Variants in NSD2 observed in about 807,000 individuals in gnomAD.
NSD2 encodes the protein histone-lysine N-methyltransferase NSD2.
In NSD2, 12 loss-of-function variants were observed where a neutral mutation model predicts 139.0. The ratio of observed to expected loss-of-function variants is 0.09; its 90% CI spans 0.06 to 0.14. The LOEUF (loss-of-function observed/expected upper bound fraction) is 0.14, where lower values mean the gene tolerates loss of function less well. Among genes scored for constraint, NSD2 ranks in the 10% least tolerant of loss-of-function variants. NSD2 has a pLI of 1.00. For missense variants in NSD2, 1,155 were observed against 1,745.0 expected (o/e 0.66, Z 6.02); for synonymous variants, 669 against 648.7 (o/e 1.03, Z -0.48).
intron 1 of NSD2, among the ~76,000 whole-genome samples, chr4:1,895,086 T>A (rs1156934453): frequency 6.6e-6 from 1 of 152,228 alleles, no homozygotes; most frequent in Non-Finnish European, 1.5e-5. Flanking sequence ...TCTTCAAGAT[T>A]CGTCCATATT....
At chr4:1,944,694 A>G in intron 9 of NSD2, 1 of 1,064,522 alleles carries the variant, frequency 9.4e-7, no homozygotes. Flanking sequence ...AGAGGTCCTG[A>G]ATTGTTTTTC....
rs551185425 is a variant in NSD2, at chr4:1,918,125, C to CTT, written c.928-7_928-6dup. 3.5e-5 allele frequency: 51 copies of CTT among 1,467,698 alleles called. No homozygotes were observed. The highest frequency in any genetic ancestry group is 3.9e-5 in the Non-Finnish European group (42 of 1,079,916). 90.9% of individuals were successfully genotyped at this position (1,467,698 alleles called of 1,614,324 possible). A position where few individuals can be genotyped will look rare whatever the true frequency, so the allele number is the denominator to read the frequency against. On this transcript the variant is annotated splice_polypyrimidine_tract_variant and intron_variant, in intron 4 of 21. Coordinates refer to ENST00000508803, the MANE Select transcript of NSD2 (RefSeq NM_001042424.3). ...TTGTGTAGTGAAACTTACAGTGTCT[C>CTT]TTTTTTTTTTCCCAGCTATTGAAAC...
intron 5 of NSD2, among the ~76,000 whole-genome samples, chr4:1,922,586 T>G (rs1201467418): frequency 6.6e-6 from 1 of 152,220 alleles, no homozygotes; most frequent in Non-Finnish European, 1.5e-5. Flanking sequence ...AAGAGAGGCT[T>G]GGCCTGAGGA....
At chr4:1,886,955 T>G (rs1441531733) in intron 1 of NSD2, among the ~76,000 whole-genome samples, 1 of 152,180 alleles carries the variant, frequency 6.6e-6, no homozygotes, top group Non-Finnish European at 1.5e-5. Context: ...CCCTCTTACC[T>G]CCCATGTTAC....
rs1162242216 is a variant in NSD2, at chr4:1,953,511, A to C, written c.2325A>C (p.Pro775=). 6.2e-7 allele frequency: 1 copy of C among 1,610,486 alleles called. No individual in the cohort carries two copies. Among genetic ancestry groups the C allele is most frequent in the Admixed American group, 1.7e-5 (1 of 59,884 alleles). Residue 775 remains proline (P), a synonymous_variant, in exon 12 of 22, where the codon CCA becomes CCC. Coordinates refer to ENST00000508803, the MANE Select transcript of NSD2 (RefSeq NM_001042424.3). ...GCCATGCTTCCAACCCTTCAAACCC[A>C]AGGCCGTCAAAAGGTACAGGTGCAC... ...VSCHASNPSN[P]RPSKGKMMRC... is the part of the protein sequence containing the mutation.
In NSD2 at chr4:1,953,464, C is replaced by T. The variant is rs952088696; in HGVS notation, c.2278C>T (p.Pro760Ser). Residue 760 changes from proline to serine, a missense_variant, in exon 12 of 22, where the codon CCC becomes TCC. This residue lies in a region of NSD2 where 120 missense variants were observed against 239.3 expected (regional missense o/e 0.50). Transcript: ENST00000508803. ...ATTTGAGAGCCGAGGTTTCCGCTGC[C>T]CCCTCCACAGCTGTGTGAGCTGCCA... ...TVFESRGFRC[P>S]LHSCVSCHAS... 1.9e-6 allele frequency: 3 copies of T among 1,614,056 alleles called. No individual in the cohort carries two copies. Among genetic ancestry groups the T allele is most frequent in the South Asian group, 1.1e-5 (1 of 91,072 alleles).
At chr4:1,959,884 A>AAAATTTGTTTTGTTTT in intron 17 of NSD2, 144 bp downstream of exon 17, 1 of 1,000,658 alleles carries the variant, frequency 1.0e-6, no homozygotes, top group Non-Finnish European at 1.4e-6. Context: ...GTTTTGAGAC[A>AAAATTTGTTTTGTTTT]GGGTCTCACT....
intron 5 of NSD2, among the ~76,000 whole-genome samples, chr4:1,919,433 A>T (rs181555761): frequency 6.6e-6 from 1 of 152,234 alleles, no homozygotes; most frequent in African/African-American, 2.4e-5. Context: ...AATTGTTTGC[A>T]TAAAATGCAC....
intron 3 of NSD2, among the ~76,000 whole-genome samples, chr4:1,907,655 C>CT (rs1718113588): frequency 8.1e-6 from 1 of 124,148 alleles, no homozygotes; most frequent in Admixed American, 9.9e-5. Context: ...CAGTCTCACT[C>CT]TGTTGCCAGG....
chr4:1,951,882 T>G, intron 10 of NSD2: 1 of 580,002 alleles, frequency 1.7e-6, no homozygotes, highest in Non-Finnish European at 2.9e-6. Flanking sequence ...TCCTTTGCCA[T>G]TGCTGAGGAC....
intron 7 of NSD2, 76 bp from the exon 8 acceptor site, chr4:1,938,375 T>A (rs558387374): frequency 1.6e-6 from 2 of 1,234,830 alleles, no homozygotes; most frequent in Non-Finnish European, 2.2e-6. Context: ...GTTGTTCTTT[T>A]TCTTTTTTTT....
rs755548968 is a variant in NSD2 at position 1,978,809 on chromosome 4, T to C, written c.3998T>C (p.Val1333Ala). Residue 1333 changes from valine (V) to alanine (A), a missense_variant, in exon 22 of 22, where the codon GTC (valine) becomes GCC (alanine). Transcript: ENST00000508803. The part of the protein sequence containing the change: ...CCEHDLGAAS[V>A]RSTKTEKPPP... ...GAGCATGACTTAGGGGCGGCATCGG[T>C]CAGAAGCACCAAGACTGAGAAGCCC... 6.8e-6 allele frequency: 11 copies of C among 1,611,542 alleles called. No individual in the cohort carries two copies. In the East Asian group the frequency reaches 1.8e-4, roughly 26 times the overall value.
intron 7 of NSD2, among the ~76,000 whole-genome samples, chr4:1,937,664 G>A (rs777763362): frequency 6.6e-6 from 1 of 152,102 alleles, no homozygotes; most frequent in Non-Finnish European, 1.5e-5. Context: ...TTCTCCTGTC[G>A]CCTTGTCCAT....
chr4:1,943,339 A>C, intron 9 of NSD2: 2 of 1,042,522 alleles, frequency 1.9e-6, no homozygotes, highest in Non-Finnish European at 2.3e-6. Context: ...CCATTAAGTA[A>C]TGTAACGCAT....
chr4:1,942,279 T>C lies in NSD2; in HGVS notation c.1881+2501T>C. ...TAATGTGATTTAAGTGTTTTGTAAC[T>C]TCATTTTTTATTCCTTTAGTAGAGC... On this transcript the variant is annotated intron_variant, in intron 9 of 21. Transcript: ENST00000508803. This position sits in a 1 kb window ranked among gnomAD's most constrained non-coding sequence, Gnocchi z 4.0. The C allele has an allele frequency of 6.3e-7, 1 of 1,596,708 alleles. No homozygotes were observed. The highest frequency in any genetic ancestry group is 2.2e-5 in the East Asian group (1 of 44,738).
chr4:1,940,953 T>G, intron 9 of NSD2: 1 of 1,057,476 alleles, frequency 9.5e-7, no homozygotes, highest in Non-Finnish European at 1.1e-6. Context: ...ACCAACTCAG[T>G]GGTGGTCGAG....
At chr4:1,946,727 A>G in intron 9 of NSD2, 1 of 1,044,660 alleles carries the variant, frequency 9.6e-7, no homozygotes, top group Non-Finnish European at 1.2e-6. Context: ...ATTGACTGTA[A>G]TTAGCAGGTA....
intron 7 of NSD2, among the ~76,000 whole-genome samples, chr4:1,935,685 C>A (rs979257314): frequency 9.2e-5 from 14 of 152,008 alleles, no homozygotes; most frequent in Admixed American, 2.6e-4. Context: ...GATGGTAATA[C>A]CCCGTCTCTA....
intron 12 of NSD2, among the ~76,000 whole-genome samples, chr4:1,953,743 A>G (rs542525138): frequency 6.6e-6 from 1 of 151,472 alleles, no homozygotes; most frequent in East Asian, 1.9e-4. Context: ...ATGCTTAACT[A>G]TAGGAGAGGG....
Sources: allele counts gnomAD v4.1 joint callset (sites outside exome capture counted in the v4.1 genomes callset), GRCh38; gene constraint gnomAD v4.1.1; regional missense constraint gnomAD v4.1.1; non-coding constraint Gnocchi (gnomAD v3.1); transcripts MANE v1.5; gene names NCBI Gene and HGNC (gene_info 2026-07-23, HGNC 2026-07-21).